TMCO6: variants seen among roughly 807,000 people sequenced by gnomAD.
TMCO6 encodes transmembrane and coiled-coil domains 6.
In TMCO6, 47 loss-of-function variants were observed where a neutral mutation model predicts 61.8. The ratio of observed to expected loss-of-function variants is 0.76; its 90% CI spans 0.60 to 0.97. TMCO6 has a LOEUF of 0.97. Ranked by LOEUF, TMCO6 falls within the 50% of genes least tolerant of loss-of-function variation. TMCO6 has a pLI of 0.00. For synonymous variants in TMCO6, 261 were observed against 254.2 expected (o/e 1.03, Z -0.25); for missense variants, 557 against 601.6 (o/e 0.93, Z 0.78).
chr5:140,619,871 A>T, the TMCO6 span, among the ~76,000 whole-genome samples: 1 of 152,250 alleles, frequency 6.6e-6, no homozygotes, highest in African/African-American at 2.4e-5. Flanking sequence ...AGAATGCCCA[A>T]ATCCAGAGTA....
the TMCO6 span, among the ~76,000 whole-genome samples, chr5:140,626,233 C>CTTT: frequency 6.7e-6 from 1 of 149,232 alleles, no homozygotes; most frequent in Non-Finnish European, 1.5e-5. Context: ...GCCCAGTCTT[C>CTTT]TTTTTTTTTT....
upstream of TMCO6, among the ~76,000 whole-genome samples, chr5:140,638,064 G>T (rs775486454): frequency 6.6e-6 from 1 of 150,948 alleles, no homozygotes; most frequent in Non-Finnish European, 1.5e-5. Flanking sequence ...TTGAACACTC[G>T]AACAAAGGAT....
At chr5:140,647,058 A>G, downstream of TMCO6, 2 of 621,546 alleles carry the variant, frequency 3.2e-6, no homozygotes, top group South Asian at 2.5e-5. Context: ...GTCAGCCTGC[A>G]TACTTATGTT....
At chr5:140,596,767 C>T in the TMCO6 span, among the ~76,000 whole-genome samples, 1 of 152,148 alleles carries the variant, frequency 6.6e-6, no homozygotes, top group Non-Finnish European at 1.5e-5. Context: ...TATCCAGGGT[C>T]CCTCAGCTGC....
the TMCO6 span, among the ~76,000 whole-genome samples, chr5:140,597,133 A>G: frequency 6.6e-6 from 1 of 152,216 alleles, no homozygotes; most frequent in Non-Finnish European, 1.5e-5. Flanking sequence ...TACCTGTCTG[A>G]TCATCCACAT....
chr5:140,612,218 G>A, the TMCO6 span, among the ~76,000 whole-genome samples: 2 of 152,006 alleles, frequency 1.3e-5, no homozygotes, highest in African/African-American at 4.8e-5. Context: ...ACCACAAAGT[G>A]CCATGTAGAA....
intron 2 of TMCO6, among the ~76,000 whole-genome samples, chr5:140,640,445 C>T (rs1756951028): frequency 6.7e-6 from 1 of 148,586 alleles, no homozygotes; most frequent in African/African-American, 2.5e-5. Context: ...CTCGCTCTGT[C>T]GCCAGGCTGG....
upstream of TMCO6, among the ~76,000 whole-genome samples, chr5:140,636,133 G>A (rs1756765645): frequency 6.6e-6 from 1 of 152,068 alleles, no homozygotes; most frequent in Non-Finnish European, 1.5e-5. Flanking sequence ...TGAGTAGCTG[G>A]GATTACAAGC....
the TMCO6 span, among the ~76,000 whole-genome samples, chr5:140,603,680 T>G: frequency 6.6e-6 from 1 of 151,206 alleles, no homozygotes; most frequent in Non-Finnish European, 1.5e-5. Flanking sequence ...TATTTGGGGT[T>G]TTTTTTTGCT....
At chr5:140,620,939 G>A in the TMCO6 span, among the ~76,000 whole-genome samples, 3 of 152,226 alleles carry the variant, frequency 2.0e-5, no homozygotes, top group South Asian at 4.1e-4. Flanking sequence ...CTTGAGCCCA[G>A]GAGGTCGAGT....
the TMCO6 span, among the ~76,000 whole-genome samples, chr5:140,599,716 C>A: frequency 6.6e-6 from 1 of 152,124 alleles, no homozygotes; most frequent in Non-Finnish European, 1.5e-5. Context: ...ACCTGGTCAA[C>A]ATGGGGAAAC....
chr5:140,623,694 G>A, the TMCO6 span, among the ~76,000 whole-genome samples: 1 of 152,100 alleles, frequency 6.6e-6, no homozygotes, highest in Non-Finnish European at 1.5e-5. Flanking sequence ...AGTCATCCCT[G>A]AGCCCACCTT....
the TMCO6 span, among the ~76,000 whole-genome samples, chr5:140,606,335 A>G: frequency 6.6e-6 from 1 of 151,886 alleles, no homozygotes. Context: ...AAAATTGTAG[A>G]GATGGGGTCT....
chr5:140,616,621 A>G, the TMCO6 span, among the ~76,000 whole-genome samples: 1 of 152,256 alleles, frequency 6.6e-6, no homozygotes, highest in African/African-American at 2.4e-5. Flanking sequence ...AAAGGATGCA[A>G]TCAGCAGAGT....
chr5:140,631,924 G>C, the TMCO6 span: 9 of 1,607,778 alleles, frequency 5.6e-6, no homozygotes, highest in Non-Finnish European at 7.7e-6. Context: ...AGGGTCGAAC[G>C]TGCACAGGCT....
At chr5:140,609,871 T>A in the TMCO6 span, among the ~76,000 whole-genome samples, 2 of 152,152 alleles carry the variant, frequency 1.3e-5, no homozygotes, top group East Asian at 3.9e-4. Context: ...GCAAGTGGAA[T>A]TTTTTTCTTT....
At chr5:140,598,643 G>T in the TMCO6 span, among the ~76,000 whole-genome samples, 40 of 152,292 alleles carry the variant, frequency 2.6e-4, no homozygotes, top group African/African-American at 8.9e-4. Flanking sequence ...CAAAGTAAGT[G>T]TCTATTCCTG....
At chr5:140,642,124 C>A in intron 4 of TMCO6, 71 bp downstream of exon 4, 2 of 1,550,064 alleles carry the variant, frequency 1.3e-6, no homozygotes, top group South Asian at 1.2e-5. Flanking sequence ...CCAGTTTGAG[C>A]TGGCAGGTAG....
chr5:140,625,651 A>G, the TMCO6 span, among the ~76,000 whole-genome samples: 9 of 152,312 alleles, frequency 5.9e-5, no homozygotes, highest in African/African-American at 2.2e-4. Context: ...CCCCACTGCA[A>G]TATGAACACT....
Sources: allele counts gnomAD v4.1 joint callset (sites outside exome capture counted in the v4.1 genomes callset), GRCh38; gene constraint gnomAD v4.1.1; transcripts MANE v1.5; gene names NCBI Gene and HGNC (gene_info 2026-07-23, HGNC 2026-07-21).